INSYN2B: variants seen among roughly 807,000 people sequenced by gnomAD.
INSYN2B encodes inhibitory synaptic factor family member 2B.
In INSYN2B, 16 loss-of-function variants were observed where a neutral mutation model predicts 41.2. The observed-to-expected ratio is 0.39, with a 90% confidence interval of 0.26 to 0.59. INSYN2B has a LOEUF of 0.59. Ranked by LOEUF, INSYN2B falls within the 20% of genes least tolerant of loss-of-function variation. The pLI is 0.57. For synonymous variants in INSYN2B, 245 were observed against 244.4 expected (o/e 1.00, Z -0.02); for missense variants, 608 against 646.4 (o/e 0.94, Z 0.64).
At chr5:169,897,524 C>T (rs142252548) in intron 1 of INSYN2B, among the ~76,000 whole-genome samples, 191 of 152,242 alleles carry the variant, frequency 1.3e-3, no homozygotes, top group Middle Eastern at 3.4e-3. Flanking sequence ...GAAGAGCAAA[C>T]GGAAAGACAT....
intron 1 of INSYN2B, among the ~76,000 whole-genome samples, chr5:169,907,731 A>G (rs1774363713): frequency 6.6e-6 from 1 of 152,188 alleles, no homozygotes; most frequent in African/African-American, 2.4e-5. Context: ...CTTTCTCTAG[A>G]GCAGTGGTTT....
At chr5:169,975,216 T>C (rs1777674207) in intron 1 of INSYN2B, among the ~76,000 whole-genome samples, 1 of 152,190 alleles carries the variant, frequency 6.6e-6, no homozygotes, top group Non-Finnish European at 1.5e-5. Flanking sequence ...TAAAACATAA[T>C]TTGTGCTTTT....
intron 3 of INSYN2B, among the ~76,000 whole-genome samples, chr5:169,866,419 A>G (rs1434629145): frequency 1.3e-5 from 2 of 152,246 alleles, no homozygotes; most frequent in African/African-American, 4.8e-5. Context: ...CTCATCTGCA[A>G]AATGAGTAGT....
Position 169,883,620 on chromosome 5 carries a change from G to A in INSYN2B, c.279C>T (p.Arg93=). 1.3e-6 allele frequency: 2 copies of A among 1,551,588 alleles called. No homozygotes were observed. Among genetic ancestry groups the A allele is most frequent in the Non-Finnish European group, 1.7e-6 (2 of 1,146,924 alleles). The part of the protein sequence containing the change: ...FPRSQKAGGF[R]NIAIQTSPSL... Reference sequence around the variant, plus strand: ...TGGGGGAAGTTTGGATTGCAATGTTGCGAAAGCCCCCTGCCTTCTGGGACC... The same window carrying A: ...TGGGGGAAGTTTGGATTGCAATGTTACGAAAGCCCCCTGCCTTCTGGGACC... Residue 93 remains arginine (R), a synonymous_variant, in exon 2 of 4, where the codon CGC becomes CGT. Coordinates refer to ENST00000377365, the MANE Select transcript of INSYN2B (RefSeq NM_001129891.3).
At chr5:169,895,778 A>G (rs193110465) in intron 1 of INSYN2B, among the ~76,000 whole-genome samples, 43 of 152,318 alleles carry the variant, frequency 2.8e-4, no homozygotes, top group East Asian at 1.9e-4. Context: ...AGGACAAGTC[A>G]TCTCATATCT....
At chr5:169,916,630 G>A (rs1462363089) in intron 1 of INSYN2B, among the ~76,000 whole-genome samples, 1 of 152,170 alleles carries the variant, frequency 6.6e-6, no homozygotes, top group East Asian at 1.9e-4. Flanking sequence ...GCTTAGAAGA[G>A]TACCTGGCAC....
intron 1 of INSYN2B, among the ~76,000 whole-genome samples, chr5:169,941,481 G>A (rs1175572088): frequency 6.6e-6 from 1 of 152,124 alleles, no homozygotes; most frequent in Non-Finnish European, 1.5e-5. Flanking sequence ...GGTTACTGCA[G>A]GTGCAAAGGC....
intron 1 of INSYN2B, among the ~76,000 whole-genome samples, chr5:169,944,354 G>C (rs980341514): frequency 3.3e-5 from 5 of 152,232 alleles, no homozygotes; most frequent in East Asian, 1.9e-4. Context: ...GCAGGCAGAG[G>C]CATGTTCTAC....
intron 1 of INSYN2B, among the ~76,000 whole-genome samples, chr5:169,968,858 G>A (rs867836331): frequency 5.3e-5 from 8 of 152,268 alleles, no homozygotes; most frequent in Middle Eastern, 3.4e-3. Flanking sequence ...GGCTTCCCGG[G>A]AGAAGAAATG....
chr5:169,885,812 G>A (rs997863187), intron 1 of INSYN2B, among the ~76,000 whole-genome samples: 2 of 152,216 alleles, frequency 1.3e-5, no homozygotes, highest in African/African-American at 2.4e-5. Flanking sequence ...GAAGGGTTAA[G>A]TAACTTGCCT....
intron 1 of INSYN2B, among the ~76,000 whole-genome samples, chr5:169,965,943 G>A (rs548092587): frequency 6.6e-6 from 1 of 152,172 alleles, no homozygotes; most frequent in Non-Finnish European, 1.5e-5. Flanking sequence ...CTGGAAAAAG[G>A]CTTCTCCATG....
rs765416295 is a variant in INSYN2B at position 169,883,546 on chromosome 5, C to G, written c.353G>C (p.Ser118Thr). Reference protein sequence around the residue: ...PVFKRKRLTASKSLVEMPTAS... With the variant: ...PVFKRKRLTATKSLVEMPTAS... ...TGTTGGCATTTCCACCAGGGACTTACTGGCTGTGAGTCTCTTCCTTTTGAA... is the reference window on the plus strand; with the variant it reads ...TGTTGGCATTTCCACCAGGGACTTAGTGGCTGTGAGTCTCTTCCTTTTGAA... Residue 118 changes from serine to threonine, a missense_variant, in exon 2 of 4, where the codon AGT becomes ACT. Physicochemically the swap from Ser to Thr is moderately conservative, Grantham distance 58. Coordinates refer to ENST00000377365, the MANE Select transcript of INSYN2B (RefSeq NM_001129891.3). The G allele has an allele frequency of 7.7e-5, 120 of 1,551,546 alleles. No individual in the cohort carries two copies. The highest frequency in any genetic ancestry group is 9.5e-5 in the Non-Finnish European group (109 of 1,146,970).
Position 169,864,061 on chromosome 5 carries a change from G to A in INSYN2B, c.*212C>T, listed in dbSNP as rs1331394204. On this transcript the variant is annotated 3_prime_UTR_variant, in exon 4 of 4. Transcript: ENST00000377365. ...AAGCGGTCACTCTAGTGTCCGTGAA[G>A]CCCTCAGCAAGCAGTCGCACGCACT... 6.6e-6 allele frequency among the ~76,000 whole-genome samples: 1 copy of A among 152,192 alleles called. No homozygotes were observed. Among genetic ancestry groups the A allele is most frequent in the African/African-American group, 2.4e-5 (1 of 41,446 alleles).
At chr5:169,941,502 C>A (rs1055265266) in intron 1 of INSYN2B, among the ~76,000 whole-genome samples, 6 of 152,140 alleles carry the variant, frequency 3.9e-5, no homozygotes, top group Non-Finnish European at 7.4e-5. Context: ...CCCATGGAAC[C>A]AGGGCAAGTG....
Position 169,946,255 on chromosome 5 carries a change from C to T in INSYN2B, c.-919+34022G>A, listed in dbSNP as rs374830558. Reference sequence around the variant, plus strand: ...TTCTGGACTGCCACAGTGAAGAAAGCAGTGTTCCAGCCCCCCACATCCAGC... The same window carrying T: ...TTCTGGACTGCCACAGTGAAGAAAGTAGTGTTCCAGCCCCCCACATCCAGC... On this transcript the variant is annotated intron_variant, in intron 1 of 3. Coordinates refer to ENST00000377365, the MANE Select transcript of INSYN2B (RefSeq NM_001129891.3). Among the ~76,000 whole-genome samples, 279 of 152,316 alleles carry T rather than the reference C, an allele frequency of 1.8e-3. 6 individuals are homozygous for T. In the South Asian group the frequency reaches 0.048, roughly 26 times the overall value.
intron 1 of INSYN2B, among the ~76,000 whole-genome samples, chr5:169,965,629 A>T (rs1368364149): frequency 6.6e-6 from 1 of 152,074 alleles, no homozygotes; most frequent in Non-Finnish European, 1.5e-5. Flanking sequence ...GGTAATTCTA[A>T]TGTGCAGCAG....
In INSYN2B at chr5:169,956,344, A is replaced by G. The variant is rs370596134; in HGVS notation, c.-919+23933T>C. 3.9e-5 allele frequency among the ~76,000 whole-genome samples: 6 copies of G among 152,332 alleles called. No individual in the cohort carries two copies. In the East Asian group the frequency reaches 1.2e-3, roughly 29 times the overall value. ...GGAAATGATGCCAAGATTTAGCCAC[A>G]AGTGATACTACTAACTTAAGAGGCT... On this transcript the variant is annotated intron_variant, in intron 1 of 3. Transcript: ENST00000377365.
In INSYN2B at chr5:169,864,427, C is replaced by G; in HGVS notation, c.1454G>C (p.Arg485Thr). ...CAGACTCTGCAAAACTTCATGGAAC[C>G]TGCCTTCCTGCTGCCGAAAATCATA... is the stretch of plus-strand genomic sequence containing the variant. ...VEYDFRQQEG[R>T]FHEVLQSLEE... Residue 485 changes from arginine (R) to threonine (T), a missense_variant, in exon 4 of 4, where the codon AGG becomes ACG. Coordinates refer to ENST00000377365, the MANE Select transcript of INSYN2B (RefSeq NM_001129891.3). 6.5e-7 allele frequency: 1 copy of G among 1,547,680 alleles called. No individual in the cohort carries two copies. Among genetic ancestry groups the G allele is most frequent in the Non-Finnish European group, 8.7e-7 (1 of 1,145,324 alleles).
rs142207726 is a variant in INSYN2B, at chr5:169,899,871, T to C, written c.-918-15055A>G. Among the ~76,000 whole-genome samples the C allele has an allele frequency of 2.6e-3, 401 of 152,348 alleles. 1 individual carries two copies. The highest frequency in any genetic ancestry group is 4.6e-3 in the Non-Finnish European group (312 of 68,026). ...TTCCAGAAAAAAATTAAGCAGACTC[T>C]TACAGCCCTAATTAATGCTATCAGG... On this transcript the variant is annotated intron_variant, in intron 1 of 3. Coordinates refer to ENST00000377365, the MANE Select transcript of INSYN2B (RefSeq NM_001129891.3).
Sources: gnomAD v4.1 joint callset for allele counts (sites outside exome capture counted in the v4.1 genomes callset) on GRCh38, gnomAD v4.1.1 for gene constraint, MANE v1.5 for transcripts, NCBI Gene and HGNC (gene_info 2026-07-23, HGNC 2026-07-21) for gene names.